The following RBM27 variants were observed in gnomAD, a reference collection of about 807,000 sequenced individuals.
RBM27 encodes the protein RNA-binding protein 27.
RBM27 carries 22 observed loss-of-function variants against 135.3 expected under a neutral mutation model. That is an observed-to-expected ratio of 0.16 (90% confidence interval 0.12 to 0.23). The LOEUF (loss-of-function observed/expected upper bound fraction) is 0.23. Ranked by LOEUF, RBM27 falls within the 10% of genes least tolerant of loss-of-function variation. The pLI is 1.00. For missense variants in RBM27, 1,009 were observed against 1,281.0 expected, an observed-to-expected ratio of 0.79 and a Z score of 3.24; for synonymous variants, 481 against 442.4, an observed-to-expected ratio of 1.09 and a Z score of -1.10.
intron 8 of RBM27, among the ~76,000 whole-genome samples, chr5:146,243,908 G>A (rs1433032107): frequency 6.6e-6 from 1 of 151,936 alleles, no homozygotes; most frequent in Middle Eastern, 3.2e-3. Flanking sequence ...TCAGTGTTAG[G>A]TACTAGGAAT....
chr5:146,231,698 G>T (rs1158070284), intron 6 of RBM27, among the ~76,000 whole-genome samples: 1 of 151,998 alleles, frequency 6.6e-6, no homozygotes, highest in African/African-American at 2.4e-5. Context: ...GCTCACTGCA[G>T]CCTCTGACTC....
intron 17 of RBM27, 69 bp downstream of exon 17, chr5:146,269,653 G>A: frequency 3.0e-6 from 3 of 1,016,778 alleles, no homozygotes; most frequent in South Asian, 2.7e-5. Flanking sequence ...CACCTTGAAA[G>A]TACAATGGGA....
At chr5:146,266,050 G>A (rs1581223877) in intron 14 of RBM27, among the ~76,000 whole-genome samples, 1 of 152,140 alleles carries the variant, frequency 6.6e-6, no homozygotes, top group Admixed American at 6.5e-5. Context: ...GGGACCCAGG[G>A]ATCCTTGAAG....
At chr5:146,266,619 T>C (rs1207819115) in intron 14 of RBM27, among the ~76,000 whole-genome samples, 1 of 152,178 alleles carries the variant, frequency 6.6e-6, no homozygotes, top group Non-Finnish European at 1.5e-5. Context: ...CTATATCTCT[T>C]ATATTATTCA....
At chr5:146,280,669 TA>T (rs1461354314) in intron 19 of RBM27, among the ~76,000 whole-genome samples, 1 of 152,140 alleles carries the variant, frequency 6.6e-6, no homozygotes, top group Non-Finnish European at 1.5e-5. Context: ...ATCTACTCAC[TA>T]AAATTTATTT....
At chr5:146,251,386 G>A (rs963083553) in intron 8 of RBM27, among the ~76,000 whole-genome samples, 2 of 151,990 alleles carry the variant, frequency 1.3e-5, no homozygotes, top group African/African-American at 4.8e-5. Context: ...ATAGCTCAGG[G>A]CTCCTTTGTC....
Position 146,284,708 on chromosome 5 carries a change from TGAA to T in RBM27, c.3086_3088del (p.Glu1029del), listed in dbSNP as rs779658182. ...AGGTACCATCTATATCCACTGAGAC[TGAA>T]GAAGAAGAAGTCAAGGAGGAGGTAA... On this transcript the variant is annotated inframe_deletion, in exon 20 of 21. Transcript: ENST00000265271. 51 of 1,610,362 alleles carry T rather than the reference TGAA, an allele frequency of 3.2e-5. No homozygotes were observed. Among genetic ancestry groups the T allele is most frequent in the Middle Eastern group, 1.6e-4 (1 of 6,074 alleles).
chr5:146,264,068 T>G (rs1758510238), intron 14 of RBM27, among the ~76,000 whole-genome samples: 1 of 151,112 alleles, frequency 6.6e-6, no homozygotes, highest in Non-Finnish European at 1.5e-5. Flanking sequence ...GTCGTACCAT[T>G]GCACTGCAGC....
chr5:146,229,996 A>G, intron 5 of RBM27, 86 bp downstream of exon 5: 1 of 1,470,622 alleles, frequency 6.8e-7, no homozygotes, highest in Non-Finnish European at 9.3e-7. Flanking sequence ...TTAAAGTTGT[A>G]CCTTTAATAT....
chr5:146,205,663 A>G (rs1489872746), intron 1 of RBM27, among the ~76,000 whole-genome samples: 3 of 152,132 alleles, frequency 2.0e-5, no homozygotes, highest in African/African-American at 7.2e-5. Context: ...AATAAGATGG[A>G]TGTAATGAAA....
At position 146,211,464 on chromosome 5, in the gene RBM27, C is replaced by CTTTTTTTTTTTTTTTTTTTTT. The variant is rs57117642; in HGVS notation, c.60-7511_60-7491dup. On this transcript the variant is annotated intron_variant, in intron 1 of 20. Transcript: ENST00000265271. ...CTTACTTTGTCCAGTATGGTCTTAT[C>CTTTTTTTTTTTTTTTTTTTTT]TTTTTTTTTTTTTTTTTTTTTTTTT... Among the ~76,000 whole-genome samples the CTTTTTTTTTTTTTTTTTTTTT allele has an allele frequency of 2.2e-4, 11 of 49,930 alleles. 2 individuals are homozygous for CTTTTTTTTTTTTTTTTTTTTT. The highest frequency in any genetic ancestry group is 7.8e-4 in the Admixed American group (2 of 2,574). 32.8% of individuals were successfully genotyped at this position (49,930 alleles called of 152,430 possible). A position where few individuals can be genotyped will look rare whatever the true frequency, so the allele number is the denominator to read the frequency against.
At chr5:146,275,962 T>G (rs369796148) in intron 19 of RBM27, among the ~76,000 whole-genome samples, 2 of 152,196 alleles carry the variant, frequency 1.3e-5, no homozygotes, top group East Asian at 3.9e-4. Context: ...GATTAATATA[T>G]TTCTCTTCTT....
intron 1 of RBM27, among the ~76,000 whole-genome samples, chr5:146,206,316 T>TC (rs1755647228): frequency 6.7e-6 from 1 of 149,664 alleles, no homozygotes; most frequent in East Asian, 1.9e-4. Context: ...TTTTTTTTTT[T>TC]CCCCTTAATG....
At chr5:146,274,679 T>A (rs529507797) in intron 19 of RBM27, among the ~76,000 whole-genome samples, 13 of 152,338 alleles carry the variant, frequency 8.5e-5, no homozygotes, top group African/African-American at 3.1e-4. Flanking sequence ...TATTGATTGA[T>A]CTCGATCTTT....
intron 8 of RBM27, among the ~76,000 whole-genome samples, chr5:146,251,010 C>T (rs1757861819): frequency 6.6e-6 from 1 of 151,888 alleles, no homozygotes; most frequent in Non-Finnish European, 1.5e-5. Context: ...CTCCTGACCT[C>T]ATGATCCACC....
chr5:146,265,936 A>G (rs989449842), intron 14 of RBM27, among the ~76,000 whole-genome samples: 2 of 152,054 alleles, frequency 1.3e-5, no homozygotes, highest in Non-Finnish European at 2.9e-5. Context: ...TTAAGCGGGA[A>G]AAAAAAGGCA....
intron 8 of RBM27, among the ~76,000 whole-genome samples, chr5:146,251,116 A>T (rs561356127): frequency 6.6e-6 from 1 of 151,948 alleles, no homozygotes; most frequent in African/African-American, 2.4e-5. Context: ...TTTGTTATCC[A>T]TGTGCTCACA....
intron 11 of RBM27, among the ~76,000 whole-genome samples, chr5:146,260,340 C>T (rs1446227668): frequency 6.6e-6 from 1 of 151,850 alleles, no homozygotes; most frequent in African/African-American, 2.4e-5. Context: ...TTAGTAATTT[C>T]CGAAGAATGT....
chr5:146,215,391 T>G (rs1756145562), intron 1 of RBM27, among the ~76,000 whole-genome samples: 1 of 152,220 alleles, frequency 6.6e-6, no homozygotes, highest in Admixed American at 6.5e-5. Flanking sequence ...ATCCAATATC[T>G]GAATGTTTTG....
Sources: allele counts gnomAD v4.1 joint callset (sites outside exome capture counted in the v4.1 genomes callset), GRCh38; gene constraint gnomAD v4.1.1; transcripts MANE v1.5; gene names NCBI Gene and HGNC (gene_info 2026-07-23, HGNC 2026-07-21).